The following LUC7L3 variants were observed in gnomAD, a reference collection of about 807,000 sequenced individuals.
The protein encoded by LUC7L3 is LUC7 like 3 pre-mRNA splicing factor, also known as luc7-like protein 3.
LUC7L3 carries 6 observed loss-of-function variants against 66.8 expected under a neutral mutation model. That is an observed-to-expected ratio of 0.09 (90% CI 0.05 to 0.18). The LOEUF (loss-of-function observed/expected upper bound fraction) is 0.18. Ranked by LOEUF, LUC7L3 falls within the 10% of genes least tolerant of loss-of-function variation. LUC7L3 has a pLI of 1.00. For missense variants in LUC7L3, 341 were observed against 531.1 expected (o/e 0.64, Z 3.52); for synonymous variants, 160 against 174.7 (o/e 0.92, Z 0.66).
chr17:50,733,219 G>C (rs193183350), intron 1 of LUC7L3, among the ~76,000 whole-genome samples: 47 of 151,246 alleles, frequency 3.1e-4, no homozygotes, highest in African/African-American at 1.1e-3. Context: ...TATAAGTAAA[G>C]ATAAAATTCA....
intron 1 of LUC7L3, among the ~76,000 whole-genome samples, chr17:50,730,507 T>C (rs1455223597): frequency 1.5e-5 from 1 of 67,340 alleles, no homozygotes; most frequent in Non-Finnish European, 2.5e-5. Context: ...AGTAAGACTC[T>C]GTCTCCAAAA....
At chr17:50,731,983 G>A (rs926442509) in intron 1 of LUC7L3, among the ~76,000 whole-genome samples, 1 of 152,156 alleles carries the variant, frequency 6.6e-6, no homozygotes, top group African/African-American at 2.4e-5. Context: ...AGGGACCTAC[G>A]AACAGAAGCC....
intron 1 of LUC7L3, chr17:50,723,942 C>T (rs1310019083): frequency 2.2e-6 from 1 of 455,084 alleles, no homozygotes; most frequent in Non-Finnish European, 4.4e-6. Flanking sequence ...GCTGGCATTT[C>T]CTACCTTACT....
rs371207321 is a variant in LUC7L3, at chr17:50,750,527, A to T, written c.1165A>T (p.Ser389Cys). Residue 389 changes from serine (S) to cysteine (C), a missense_variant, in exon 10 of 10, where the codon AGT becomes TGT. Coordinates refer to ENST00000505658, the MANE Select transcript of LUC7L3 (RefSeq NM_016424.5). ...AAAGAGGGGATCTGATGATAAAAAA[A>T]GTAGTGTGAAGTCCGGTAGTCGAGA... ...KEKRGSDDKKSSVKSGSREKQ... is the reference protein window; with the variant it reads ...KEKRGSDDKKCSVKSGSREKQ... The T allele has an allele frequency of 1.8e-5, 29 of 1,613,864 alleles. No individual in the cohort carries two copies. The African/African-American group carries it at 3.2e-4, about 18-fold the overall frequency.
chr17:50,730,829 C>T (rs1475402976), intron 1 of LUC7L3, among the ~76,000 whole-genome samples: 1 of 151,398 alleles, frequency 6.6e-6, no homozygotes, highest in East Asian at 2.0e-4. Flanking sequence ...AATCCCAGCT[C>T]CTTGGGAGGC....
At chr17:50,729,521 G>C (rs1219562263) in intron 1 of LUC7L3, among the ~76,000 whole-genome samples, 1 of 152,120 alleles carries the variant, frequency 6.6e-6, no homozygotes, top group Admixed American at 6.5e-5. Context: ...TGCCCAGGAT[G>C]CAAGGCAGGA....
At position 50,751,000 on chromosome 17, in the gene LUC7L3, T is replaced by C; in HGVS notation, c.*339T>C. 3 of 1,453,810 alleles carry C rather than the reference T, an allele frequency of 2.1e-6. No homozygotes were observed. The highest frequency in any genetic ancestry group is 2.7e-6 in the Non-Finnish European group (3 of 1,111,782). The allele number at this position is 1,453,810 out of a possible 1,614,324, so 90.1% of individuals were successfully genotyped here. On this transcript the variant is annotated 3_prime_UTR_variant, in exon 10 of 10. Coordinates refer to ENST00000505658, the MANE Select transcript of LUC7L3 (RefSeq NM_016424.5). ...GGGATTTTGATGTCATTTCTTTTTT[T>C]TTTTTAATAAAAAGGTTGAACTGTT...
At chr17:50,741,540 A>G (rs12150475) in intron 4 of LUC7L3, 117 bp from the exon 5 acceptor site, 60,011 of 640,512 alleles carry the variant, frequency 0.094, 3,433 homozygotes, top group Non-Finnish European at 0.12. Flanking sequence ...TTGAATTACT[A>G]TCCTTTCAAT....
At chr17:50,741,409 A>AT in intron 4 of LUC7L3, 163 bp downstream of exon 4, 1 of 752,844 alleles carries the variant, frequency 1.3e-6, no homozygotes, top group Non-Finnish European at 2.1e-6. Context: ...ATTAGCAAAC[A>AT]TAACACTGAT....
In LUC7L3 at chr17:50,744,950, T is replaced by C. The variant is rs1349314256; in HGVS notation, c.693+137T>C. 4 of 635,110 alleles carry C rather than the reference T, an allele frequency of 6.3e-6. No homozygotes were observed. The Admixed American group carries it at 9.5e-5, about 15-fold the overall frequency. The allele number at this position is 635,110 out of a possible 1,614,324, so 39.3% of individuals were successfully genotyped here. On this transcript the variant is annotated intron_variant, in intron 7 of 9. Transcript: ENST00000505658. ...CCTCAGCCTCCTGAGTAGCTGGGAG[T>C]ACAGGCATGTGCCACCAGGCCTGGC...
In LUC7L3 at chr17:50,741,802, G is replaced by A. The variant is rs1297374029; in HGVS notation, c.426+71G>A. ...ATGTAACCAGCAAAAATACAAGGAT[G>A]GGCCAGGCATGGTAACTCATGTGTA... On this transcript the variant is annotated intron_variant, in intron 5 of 9. Transcript: ENST00000505658. 7 of 1,198,588 alleles carry A rather than the reference G, an allele frequency of 5.8e-6. No homozygotes were observed. The African/African-American group carries it at 1.1e-4, about 18-fold the overall frequency. 74.2% of individuals were successfully genotyped at this position (1,198,588 alleles called of 1,614,324 possible).
intron 6 of LUC7L3, 76 bp from the exon 7 acceptor site, chr17:50,744,576 T>A: frequency 7.4e-7 from 1 of 1,353,156 alleles, no homozygotes. Context: ...AGAAATCTTT[T>A]CTAAATGTTG....
At chr17:50,723,866 C>T (rs1245784318) in intron 1 of LUC7L3, 4 of 415,072 alleles carry the variant, frequency 9.6e-6, no homozygotes, top group East Asian at 1.6e-4. Context: ...AACTCCTGAC[C>T]TCAAGTGATC....
At chr17:50,735,763 G>A (rs1166446314) in intron 1 of LUC7L3, among the ~76,000 whole-genome samples, 1 of 152,050 alleles carries the variant, frequency 6.6e-6, no homozygotes, top group African/African-American at 2.4e-5. Context: ...CTCCTAATGT[G>A]TTGGGATTAC....
At chr17:50,734,499 T>C (rs1462063848) in intron 1 of LUC7L3, among the ~76,000 whole-genome samples, 1 of 151,988 alleles carries the variant, frequency 6.6e-6, no homozygotes, top group Non-Finnish European at 1.5e-5. Context: ...TAGAGACGAG[T>C]TGTCACTTAA....
chr17:50,719,701 G>A lies in LUC7L3; in HGVS notation c.-32G>A, dbSNP rs1369685771. ...CGTGTTTTCGTTGGCGGGTGCCTGG[G>A]CTGGTGGGAACAGCCGCCCGAAGGA... On this transcript the variant is annotated 5_prime_UTR_variant, in exon 1 of 10. Coordinates refer to ENST00000505658, the MANE Select transcript of LUC7L3 (RefSeq NM_016424.5). 1.3e-6 allele frequency: 2 copies of A among 1,577,122 alleles called. No homozygotes were observed. The highest frequency in any genetic ancestry group is 8.7e-7 in the Non-Finnish European group (1 of 1,153,902).
intron 1 of LUC7L3, among the ~76,000 whole-genome samples, chr17:50,734,809 A>G (rs1969867975): frequency 6.6e-6 from 1 of 152,244 alleles, no homozygotes; most frequent in African/African-American, 2.4e-5. Flanking sequence ...TCATGAGGCC[A>G]TTAGAAGTCC....
chr17:50,749,488 C>A, intron 9 of LUC7L3: 1 of 683,728 alleles, frequency 1.5e-6, no homozygotes, highest in Non-Finnish European at 2.0e-6. Flanking sequence ...ATAAGATCTT[C>A]AGTTCTCTGA....
chr17:50,725,120 T>C (rs745437611), intron 1 of LUC7L3, among the ~76,000 whole-genome samples: 2 of 151,838 alleles, frequency 1.3e-5, no homozygotes, highest in African/African-American at 4.9e-5. Flanking sequence ...AACAAAAATG[T>C]ATTGCTCGGC....
Sources: gnomAD v4.1 joint callset for allele counts (sites outside exome capture counted in the v4.1 genomes callset) on GRCh38, gnomAD v4.1.1 for gene constraint, MANE v1.5 for transcripts, NCBI Gene and HGNC (gene_info 2026-07-23, HGNC 2026-07-21) for gene names.